The following FHIP1B variants were observed in gnomAD, a reference collection of about 807,000 sequenced individuals.
FHIP1B encodes FHF complex subunit HOOK interacting protein 1B, also known as FHF complex subunit HOOK-interacting protein 1B.
A neutral mutation model predicts 82.2 loss-of-function variants in FHIP1B; 28 were observed. The observed-to-expected ratio is 0.34, with a 90% CI of 0.25 to 0.47. The LOEUF is 0.47. Among genes scored for constraint, FHIP1B ranks in the 20% least tolerant of loss-of-function variants. FHIP1B has a pLI of 1.00. For missense variants in FHIP1B, 1,110 were observed against 1,262.6 expected (o/e 0.88, Z 1.83); for synonymous variants, 585 against 516.1 (o/e 1.13, Z -1.81).
intron 9 of FHIP1B, chr11:6,217,145 A>C: frequency 1.4e-6 from 1 of 704,142 alleles, no homozygotes; most frequent in Admixed American, 2.0e-5. Flanking sequence ...TACAAGGCTC[A>C]GATGTAAGTC....
At chr11:6,220,133 G>C (rs2133810977) in intron 6 of FHIP1B, among the ~76,000 whole-genome samples, 1 of 152,188 alleles carries the variant, frequency 6.6e-6, no homozygotes, top group East Asian at 1.9e-4. Context: ...TCCTAGATGA[G>C]ATTATCCTAG....
rs1847272978 is a variant in FHIP1B at position 6,217,615 on chromosome 11, A to G, written c.1971T>C (p.Ala657=). 1 of 1,613,640 alleles carries G rather than the reference A, an allele frequency of 6.2e-7. No homozygotes were observed. The highest frequency in any genetic ancestry group is 1.7e-5 in the Admixed American group (1 of 59,946). ...KKVRLVPKEG[A]GELLEGISEG... is the part of the protein sequence containing the mutation. ...CGGAGATGCCCTCTAGCAGTTCCCC[A>G]GCTCCCTCCTTTGGCACCAGACGAA... is the stretch of plus-strand genomic sequence containing the variant. Residue 657 remains alanine (A), a synonymous_variant, in exon 9 of 12, where the codon GCT becomes GCC. Transcript: ENST00000449352.
intron 11 of FHIP1B, among the ~76,000 whole-genome samples, chr11:6,212,384 C>T (rs943815309): frequency 1.2e-4 from 18 of 152,224 alleles, no homozygotes; most frequent in Admixed American, 8.5e-4. Flanking sequence ...AACACCCAAC[C>T]CACATCCTCT....
chr11:6,214,265 G>A, intron 11 of FHIP1B, 146 bp downstream of exon 11: 2 of 989,196 alleles, frequency 2.0e-6, no homozygotes, highest in South Asian at 1.6e-5. Context: ...CCCCTGACCA[G>A]AAGCCTGAGA....
At position 6,223,909 on chromosome 11, in the gene FHIP1B, C is replaced by G. The variant is rs765252028; in HGVS notation, c.478G>C (p.Asp160His). 6.2e-7 allele frequency: 1 copy of G among 1,614,084 alleles called. No individual in the cohort carries two copies. The highest frequency in any genetic ancestry group is 8.5e-7 in the Non-Finnish European group (1 of 1,180,028). The change falls in exon 3 of 12, where the codon GAT becomes CAT. Residue 160 changes from aspartate (D) to histidine (H), a missense_variant. Transcript: ENST00000449352. This position sits in a 1 kb window ranked among gnomAD's most constrained non-coding sequence, Gnocchi z 4.8. ...CTGGGCACAGGGCGGCCACAGGCAT[C>G]CAGCAGGGTGAGCAGAGCCTCACGA... ...PVREALLTLL[D>H]ACGRPVPSSP...
At position 6,211,521 on chromosome 11, in the gene FHIP1B, C is replaced by T; in HGVS notation, c.2904G>A (p.Gly968=). The change falls in exon 12 of 12, where the codon GGG becomes GGA. Residue 968 remains glycine, a synonymous_variant. Coordinates refer to ENST00000449352, the MANE Select transcript of FHIP1B (RefSeq NM_001098794.2). ...TGGAAGAAAGTTAAGGATTGAGGGGCCCACAGCCTGAGATGAGAGGGCCAG... is the reference window on the plus strand; with the variant it reads ...TGGAAGAAAGTTAAGGATTGAGGGGTCCACAGCCTGAGATGAGAGGGCCAG... The part of the protein sequence containing the change: ...EGSGPLISGC[G]PLNP 3 of 1,600,890 alleles carry T rather than the reference C, an allele frequency of 1.9e-6. No individual in the cohort carries two copies. The highest frequency in any genetic ancestry group is 1.7e-6 in the Non-Finnish European group (2 of 1,174,332).
intron 1 of FHIP1B, among the ~76,000 whole-genome samples, chr11:6,232,679 T>C (rs1847727440): frequency 6.6e-6 from 1 of 152,238 alleles, no homozygotes; most frequent in South Asian, 2.1e-4. Context: ...ATGTAAAGCA[T>C]GAATGCTGTT....
At chr11:6,229,666 T>A (rs1847647940) in intron 1 of FHIP1B, among the ~76,000 whole-genome samples, 1 of 152,160 alleles carries the variant, frequency 6.6e-6, no homozygotes, top group African/African-American at 2.4e-5. Flanking sequence ...CTCCACCACT[T>A]GACCAACAAA....
At chr11:6,233,272 T>C (rs1407791480) in intron 1 of FHIP1B, among the ~76,000 whole-genome samples, 1 of 152,250 alleles carries the variant, frequency 6.6e-6, no homozygotes, top group East Asian at 1.9e-4. Flanking sequence ...AAGGAAAGAC[T>C]TAACTCTTTC....
Position 6,219,840 on chromosome 11 carries a change from C to G in FHIP1B, c.1192-790G>C, listed in dbSNP as rs139368416. Among the ~76,000 whole-genome samples the G allele has an allele frequency of 8.3e-4, 126 of 152,284 alleles. 1 individual carries two copies. The highest frequency in any genetic ancestry group is 2.9e-3 in the African/African-American group (121 of 41,552). On this transcript the variant is annotated intron_variant, in intron 6 of 11. Transcript: ENST00000449352. ...GAATGGGTCTTGGTCTAGGGCACTA[C>G]CTGAACAGTTTAGGCATTCATTATT... is the stretch of plus-strand genomic sequence containing the variant.
Position 6,223,028 on chromosome 11 carries a change from C to T in FHIP1B, c.936+52G>A, listed in dbSNP as rs146026681. The T allele has an allele frequency of 8.9e-4, 1,400 of 1,575,774 alleles. 5 individuals carry two copies. In the African/African-American group the frequency reaches 0.014, roughly 16 times the overall value. ...ATGACAGAACTCCAGGGAATATACC[C>T]CCTCCTACCTAATCTCCCAAAAATG... On this transcript the variant is annotated intron_variant, in intron 4 of 11. Transcript: ENST00000449352. The surrounding 1 kb of genome is among the most constrained non-coding windows in gnomAD (Gnocchi z 4.8).
At position 6,214,426 on chromosome 11, in the gene FHIP1B, G is replaced by T. The variant is rs117940741; in HGVS notation, c.2542C>A (p.Arg848Ser). ...EGPAAGPAPR[R>S]SDPLVKSRRP... ...TAGGCCTCACCTAGGGGATCAGAAC[G>T]GCGTGGGGCAGGTCCTGCTGCAGGG... is the stretch of plus-strand genomic sequence containing the variant. The change falls in exon 11 of 12, where the codon CGT (arginine) becomes AGT (serine). Residue 848 changes from arginine (R) to serine (S), a missense_variant. Physicochemically the swap from Arg to Ser is moderately radical, Grantham distance 110. Transcript: ENST00000449352. 1 of 1,611,542 alleles carries T rather than the reference G, an allele frequency of 6.2e-7. No homozygotes were observed. Among genetic ancestry groups the T allele is most frequent in the South Asian group, 1.1e-5 (1 of 90,848 alleles).
rs1363800243 is a variant in FHIP1B, at chr11:6,218,982, C to T, written c.1260G>A (p.Gln420=). Reference sequence around the variant, plus strand: ...GCCCCAACAGATACCTGAGAACCAGCTGCAGCAGGACATCCTCACAGCTGA... The same window carrying T: ...GCCCCAACAGATACCTGAGAACCAGTTGCAGCAGGACATCCTCACAGCTGA... ...LNLSCEDVLL[Q]LVLRYLVPCN... The change falls in exon 7 of 12, where the codon CAG becomes CAA. Residue 420 remains glutamine, a synonymous_variant. Coordinates refer to ENST00000449352, the MANE Select transcript of FHIP1B (RefSeq NM_001098794.2). 6.2e-6 allele frequency: 10 copies of T among 1,613,918 alleles called. No homozygotes were observed. The African/African-American group carries it at 1.3e-4, about 22-fold the overall frequency.
rs141597566 is a variant in FHIP1B, at chr11:6,217,484, G to C, written c.2102C>G (p.Pro701Arg). ...GSESPLEPPL[P>R]LEEEEAYESF... ...CTCGTAGGCCTCCTCCTCCTCAAGG[G>C]GCAGTGGAGGTTCTAAGGGGGACTC... The change falls in exon 9 of 12, where the codon CCC becomes CGC. Residue 701 changes from proline (P) to arginine (R), a missense_variant. By Grantham distance (103) the Pro-to-Arg change is moderately radical. Coordinates refer to ENST00000449352, the MANE Select transcript of FHIP1B (RefSeq NM_001098794.2). 6.2e-6 allele frequency: 10 copies of C among 1,613,468 alleles called. No individual in the cohort carries two copies. The highest frequency in any genetic ancestry group is 1.3e-5 in the African/African-American group (1 of 74,870).
chr11:6,211,735 G>T lies in FHIP1B; in HGVS notation c.2690C>A (p.Ser897Tyr), dbSNP rs544117611. The T allele has an allele frequency of 1.9e-6, 3 of 1,614,234 alleles. No homozygotes were observed. The highest frequency in any genetic ancestry group is 2.2e-5 in the South Asian group (2 of 91,084). ...TAGAACTGGAGTTGAAGCCCCAGGG[G>T]AGCCCCCACTTAGGCCAAGTCCTGC... ...DGAGLGLSGG[S>Y]PGASTPVLLT... Residue 897 changes from serine (S) to tyrosine (Y), a missense_variant, in exon 12 of 12, where the codon TCC (serine) becomes TAC (tyrosine). By Grantham distance (144) the Ser-to-Tyr change is moderately radical. Around this residue, in one of 6 missense-constraint regions of FHIP1B, gnomAD observed 147 missense variants for 154.0 expected, o/e 0.95. Transcript: ENST00000449352.
chr11:6,226,166 T>C (rs1847559023), intron 1 of FHIP1B, among the ~76,000 whole-genome samples: 1 of 152,130 alleles, frequency 6.6e-6, no homozygotes, highest in Non-Finnish European at 1.5e-5. Context: ...ATATTAACAA[T>C]ATCTCCCTTC....
At chr11:6,230,152 C>T (rs2133847208) in intron 1 of FHIP1B, among the ~76,000 whole-genome samples, 1 of 152,244 alleles carries the variant, frequency 6.6e-6, no homozygotes, top group South Asian at 2.1e-4. Flanking sequence ...GACAACCAAC[C>T]TCGGAACTGC....
Position 6,211,706 on chromosome 11 carries a change from T to A in FHIP1B, c.2719A>T (p.Thr907Ser). ...TGGCGTTCAGGGGCCCCGCCCCGGG[T>A]GAGTAGAACTGGAGTTGAAGCCCCA... ...SPGASTPVLLTRGGAPERQGE... is the reference protein window; with the variant it reads ...SPGASTPVLLSRGGAPERQGE... Residue 907 changes from threonine to serine, a missense_variant, in exon 12 of 12, where the codon ACC (threonine) becomes TCC (serine). Thr to Ser is a moderately conservative substitution (Grantham distance 58). Around this residue, in one of 6 missense-constraint regions of FHIP1B, gnomAD observed 147 missense variants for 154.0 expected, o/e 0.95. Transcript: ENST00000449352. 1 of 1,614,164 alleles carries A rather than the reference T, an allele frequency of 6.2e-7. No homozygotes were observed. The highest frequency in any genetic ancestry group is 1.1e-5 in the South Asian group (1 of 91,082).
At chr11:6,233,051 C>G (rs572220520) in intron 1 of FHIP1B, among the ~76,000 whole-genome samples, 1 of 152,302 alleles carries the variant, frequency 6.6e-6, no homozygotes, top group East Asian at 1.9e-4. Flanking sequence ...TTAGGAACCA[C>G]TACTCTAAAC....
Sources: gnomAD v4.1 joint callset for allele counts (sites outside exome capture counted in the v4.1 genomes callset) on GRCh38, gnomAD v4.1.1 for gene constraint, gnomAD v4.1.1 regional missense constraint, Gnocchi (gnomAD v3.1) non-coding constraint, MANE v1.5 for transcripts, NCBI Gene and HGNC (gene_info 2026-07-23, HGNC 2026-07-21) for gene names.